CA10: variants seen among roughly 807,000 people sequenced by gnomAD.
CA10 encodes carbonic anhydrase 10 (inactive), also known as carbonic anhydrase-related protein 10.
In CA10, 14 loss-of-function variants were observed where a neutral mutation model predicts 44.2. The ratio of observed to expected loss-of-function variants is 0.32; its 90% CI spans 0.21 to 0.50. The LOEUF (loss-of-function observed/expected upper bound fraction) is 0.50. Ranked by LOEUF, CA10 falls within the 20% of genes least tolerant of loss-of-function variation. The pLI, the probability that CA10 is intolerant of heterozygous loss-of-function variation, is 0.99. For missense variants in CA10, 350 were observed against 409.7 expected, an observed-to-expected ratio of 0.85 and a Z score of 1.26; for synonymous variants, 159 against 141.6, an observed-to-expected ratio of 1.12 and a Z score of -0.87.
intron 6 of CA10, among the ~76,000 whole-genome samples, chr17:51,639,072 C>T (rs909417686): frequency 1.3e-5 from 2 of 152,046 alleles, no homozygotes; most frequent in East Asian, 3.9e-4. Flanking sequence ...CATCCGGAGG[C>T]AATGCGGAAC....
intron 2 of CA10, among the ~76,000 whole-genome samples, chr17:51,979,251 A>T (rs1469029185): frequency 2.0e-5 from 3 of 152,188 alleles, no homozygotes; most frequent in Non-Finnish European, 4.4e-5. Flanking sequence ...GATAGAAAAA[A>T]GTATTTGCAA....
chr17:52,107,312 T>G (rs1365796814), intron 1 of CA10, among the ~76,000 whole-genome samples: 1 of 152,202 alleles, frequency 6.6e-6, no homozygotes, highest in Non-Finnish European at 1.5e-5. Context: ...AGGGTTCCTT[T>G]GAATTCCAAT....
intron 3 of CA10, among the ~76,000 whole-genome samples, chr17:51,845,753 T>C (rs536479026): frequency 5.3e-5 from 8 of 152,342 alleles, no homozygotes; most frequent in African/African-American, 1.9e-4. Context: ...GGCTTCTTTC[T>C]TGCACAGAAC....
intron 2 of CA10, among the ~76,000 whole-genome samples, chr17:51,951,594 A>G (rs1983485482): frequency 6.6e-6 from 1 of 152,122 alleles, no homozygotes; most frequent in African/African-American, 2.4e-5. Context: ...ACATACAAAT[A>G]CCTTTTTGTC....
At chr17:51,969,731 C>A (rs867259133) in intron 2 of CA10, among the ~76,000 whole-genome samples, 144 of 151,668 alleles carry the variant, frequency 9.5e-4, no homozygotes, top group African/African-American at 2.8e-3. Flanking sequence ...GAGATTAGAT[C>A]AAAAATTTTA....
At chr17:51,980,329 C>T (rs754446803) in intron 2 of CA10, among the ~76,000 whole-genome samples, 5 of 152,088 alleles carry the variant, frequency 3.3e-5, no homozygotes, top group Non-Finnish European at 7.4e-5. Flanking sequence ...TGTGTGTCTT[C>T]TTTTGAAAAG....
At chr17:52,025,337 G>C (rs772195137) in intron 2 of CA10, among the ~76,000 whole-genome samples, 1 of 152,000 alleles carries the variant, frequency 6.6e-6, no homozygotes, top group Non-Finnish European at 1.5e-5. Flanking sequence ...TAATGTCAAG[G>C]AGAGAATAAA....
intron 4 of CA10, among the ~76,000 whole-genome samples, chr17:51,685,426 A>G (rs1261703208): frequency 6.6e-6 from 1 of 152,036 alleles, no homozygotes; most frequent in African/African-American, 2.4e-5. Context: ...GTCTCCTCCT[A>G]CCTCTGCAAA....
chr17:51,971,531 G>A (rs1034183364), intron 2 of CA10, among the ~76,000 whole-genome samples: 3 of 152,060 alleles, frequency 2.0e-5, no homozygotes, highest in Non-Finnish European at 4.4e-5. Flanking sequence ...TAGCTAGAGA[G>A]CAACCACTAT....
chr17:51,914,553 A>G (rs1981918202), intron 3 of CA10, among the ~76,000 whole-genome samples: 1 of 152,150 alleles, frequency 6.6e-6, no homozygotes, highest in Non-Finnish European at 1.5e-5. Context: ...GTATAGTGCT[A>G]GAGCCAAAAC....
rs1987575184 is a variant in CA10, at chr17:52,067,800, G to A, written c.136+4519C>T. Among the ~76,000 whole-genome samples, 3 of 152,300 alleles carry A rather than the reference G, an allele frequency of 2.0e-5. No individual in the cohort carries two copies. The South Asian group carries it at 6.2e-4, about 32-fold the overall frequency. ...AGATTTCACTGCCTTGCTGGATTTT[G>A]GACTTGCATGGGGCTTGTAGCCCAT... On this transcript the variant is annotated intron_variant, in intron 2 of 8. Coordinates refer to ENST00000451037, the MANE Select transcript of CA10 (RefSeq NM_020178.5).
chr17:51,859,311 A>G (rs1349571580), intron 3 of CA10, among the ~76,000 whole-genome samples: 1 of 152,164 alleles, frequency 6.6e-6, no homozygotes, highest in Non-Finnish European at 1.5e-5. Context: ...TTCAGCCCAC[A>G]GCAAGATTGA....
chr17:51,740,762 T>C (rs979512659), intron 4 of CA10, among the ~76,000 whole-genome samples: 1 of 152,132 alleles, frequency 6.6e-6, no homozygotes, highest in African/African-American at 2.4e-5. Flanking sequence ...TTCAAAATCA[T>C]GGTACTGGCG....
intron 3 of CA10, among the ~76,000 whole-genome samples, chr17:51,905,640 G>C (rs757655982): frequency 2.8e-5 from 4 of 143,212 alleles, no homozygotes; most frequent in Admixed American, 7.5e-5. Context: ...TGCCTTCTCT[G>C]TTCTTATCCC....
At chr17:51,944,221 A>G (rs1983190383) in intron 2 of CA10, among the ~76,000 whole-genome samples, 1 of 152,186 alleles carries the variant, frequency 6.6e-6, no homozygotes, top group Admixed American at 6.5e-5. Context: ...TGCTATTTTA[A>G]TGATCACCAG....
At chr17:52,143,746 A>C (rs1249102359) in intron 1 of CA10, among the ~76,000 whole-genome samples, 1 of 152,148 alleles carries the variant, frequency 6.6e-6, no homozygotes, top group African/African-American at 2.4e-5. Context: ...TGGATTAGTC[A>C]CAGCAGGCCA....
At chr17:51,873,959 T>C (rs1481325727) in intron 3 of CA10, among the ~76,000 whole-genome samples, 1 of 152,210 alleles carries the variant, frequency 6.6e-6, no homozygotes, top group African/African-American at 2.4e-5. Context: ...CTGCAACACT[T>C]ACTATTGTGC....
At chr17:52,135,567 T>C (rs1299856291) in intron 1 of CA10, among the ~76,000 whole-genome samples, 1 of 152,194 alleles carries the variant, frequency 6.6e-6, no homozygotes, top group Non-Finnish European at 1.5e-5. Flanking sequence ...GCCACCTTGC[T>C]CAGCGCACGT....
At chr17:51,836,374 T>TA (rs1908476873) in intron 3 of CA10, among the ~76,000 whole-genome samples, 1 of 152,232 alleles carries the variant, frequency 6.6e-6, no homozygotes, top group Non-Finnish European at 1.5e-5. Flanking sequence ...GTGCTCTATG[T>TA]AAAAGCACTT....
Sources: allele counts gnomAD v4.1 joint callset (sites outside exome capture counted in the v4.1 genomes callset), GRCh38; gene constraint gnomAD v4.1.1; transcripts MANE v1.5; gene names NCBI Gene and HGNC (gene_info 2026-07-23, HGNC 2026-07-21).